Variants in TRPM4 observed in about 807,000 individuals in gnomAD.
TRPM4 encodes the protein transient receptor potential cation channel subfamily M member 4.
In TRPM4, 124 loss-of-function variants were observed where a neutral mutation model predicts 135.6. That is an observed-to-expected ratio of 0.91 (90% CI 0.79 to 1.06). TRPM4 has a LOEUF of 1.06. Among genes scored for constraint, TRPM4 ranks in the 50% least tolerant of loss-of-function variants. The probability of loss-of-function intolerance (pLI) is 0.00; values close to 1 mark genes in which losing one functional copy is unlikely to be tolerated. For synonymous variants in TRPM4, 745 were observed against 705.6 expected, an observed-to-expected ratio of 1.06 and a Z score of -0.88; for missense variants, 1,658 against 1,671.4, an observed-to-expected ratio of 0.99 and a Z score of 0.14.
chr19:49,183,124 C>G lies in TRPM4; in HGVS notation c.1655C>G (p.Ala552Gly). 2 of 1,613,866 alleles carry G rather than the reference C, an allele frequency of 1.2e-6. No individual in the cohort carries two copies. Among genetic ancestry groups the G allele is most frequent in the Non-Finnish European group, 8.5e-7 (1 of 1,180,026 alleles). ...DKATSPLSLD[A>G]GLGQAPWSDL... ...GCCACCTCGCCGCTCTCGCTGGATGCTGGCCTCGGGCAGGCCCCCTGGAGC... is the reference window on the plus strand; with the variant it reads ...GCCACCTCGCCGCTCTCGCTGGATGGTGGCCTCGGGCAGGCCCCCTGGAGC... Residue 552 changes from alanine to glycine, a missense_variant, in exon 12 of 25, where the codon GCT becomes GGT. By Grantham distance (60) the Ala-to-Gly change is moderately conservative. This residue lies in a region of TRPM4 where 1,412 missense variants were observed against 1,408.7 expected (regional missense o/e 1.00). Transcript: ENST00000252826.
intron 6 of TRPM4, among the ~76,000 whole-genome samples, chr19:49,169,640 C>T (rs1967378128): frequency 6.6e-6 from 1 of 151,554 alleles, no homozygotes; most frequent in Non-Finnish European, 1.5e-5. Flanking sequence ...TGTTTTCGAA[C>T]TTCTGACCTC....
At chr19:49,167,275 G>GTACCCC (rs2122793314) in intron 3 of TRPM4, among the ~76,000 whole-genome samples, 3 of 138,002 alleles carry the variant, frequency 2.2e-5, no homozygotes, top group African/African-American at 8.5e-5. Context: ...CTCTCTCTCT[G>GTACCCC]GGTCTCTGTC....
In TRPM4 at chr19:49,210,843, G is replaced by A. The variant is rs1969334710; in HGVS notation, c.3461+1G>A. Reference sequence around the variant, plus strand: ...AGCGTCTGAAGCGCACGTCCCAGAAGTGAGAGCGGGGCCTGGTCGGGGATG... The same window carrying A: ...AGCGTCTGAAGCGCACGTCCCAGAAATGAGAGCGGGGCCTGGTCGGGGATG... On this transcript the variant is annotated splice_donor_variant, in intron 22 of 24. Transcript: ENST00000252826. LOFTEE classifies it high-confidence loss of function. This position sits in a 1 kb window ranked among gnomAD's most constrained non-coding sequence, Gnocchi z 4.1. 2 of 1,609,420 alleles carry A rather than the reference G, an allele frequency of 1.2e-6. No individual in the cohort carries two copies. Among genetic ancestry groups the A allele is most frequent in the Non-Finnish European group, 8.5e-7 (1 of 1,178,460 alleles).
Position 49,210,119 on chromosome 19 carries a change from A to T in TRPM4, c.3132-90A>T. ...TCTTGACTTCTGTCTGCTGCTATAG[A>T]CTGAACAATTATTGCCTGGCATCTA... On this transcript the variant is annotated intron_variant, in intron 20 of 24. Transcript: ENST00000252826. This position sits in a 1 kb window ranked among gnomAD's most constrained non-coding sequence, Gnocchi z 4.1. 5 of 1,299,276 alleles carry T rather than the reference A, an allele frequency of 3.8e-6. No individual in the cohort carries two copies. The highest frequency in any genetic ancestry group is 5.6e-6 in the Non-Finnish European group (5 of 892,978). The allele number at this position is 1,299,276 out of a possible 1,614,324, so 80.5% of individuals were successfully genotyped here. A position where few individuals can be genotyped will look rare whatever the true frequency, so the allele number is the denominator to read the frequency against.
At chr19:49,183,899 G>T (rs1450427201) in intron 12 of TRPM4, among the ~76,000 whole-genome samples, 3 of 150,860 alleles carry the variant, frequency 2.0e-5, no homozygotes, top group South Asian at 2.1e-4. Context: ...TCAGCCTCCC[G>T]AGTAGCTGGG....
At chr19:49,199,227 C>T (rs1252645217) in intron 17 of TRPM4, among the ~76,000 whole-genome samples, 2 of 150,388 alleles carry the variant, frequency 1.3e-5, no homozygotes, top group East Asian at 3.9e-4. Flanking sequence ...GGCCATATGT[C>T]CTTGTGCCCC....
chr19:49,181,528 T>TTA, intron 10 of TRPM4, 67 bp downstream of exon 10: 467 of 864,356 alleles, frequency 5.4e-4, no homozygotes, highest in Non-Finnish European at 7.2e-4. Context: ...CCTCTCTGCC[T>TTA]TCTTTTTTTT....
intron 9 of TRPM4, among the ~76,000 whole-genome samples, chr19:49,178,544 G>A (rs1967788689): frequency 6.6e-6 from 1 of 151,946 alleles, no homozygotes; most frequent in Admixed American, 6.6e-5. Context: ...GACAAGGACA[G>A]TACCTGCGGG....
chr19:49,164,702 GC>G (rs1459353511), intron 2 of TRPM4, among the ~76,000 whole-genome samples: 1 of 149,000 alleles, frequency 6.7e-6, no homozygotes, highest in Non-Finnish European at 1.5e-5. Flanking sequence ...TTGCTTGCTT[GC>G]TTGCTTGCTT....
chr19:49,166,048 T>C lies in TRPM4; in HGVS notation c.100T>C (p.Leu34=), dbSNP rs780231602. 2.5e-6 allele frequency: 4 copies of C among 1,595,470 alleles called. No homozygotes were observed. The highest frequency in any genetic ancestry group is 3.4e-6 in the Non-Finnish European group (4 of 1,173,168). The change falls in exon 3 of 25, where the codon TTG becomes CTG. Residue 34 remains leucine, a synonymous_variant. Transcript: ENST00000252826. The part of the protein sequence containing the change: ...IVDSTDPGGT[L]CQCGRPRTAH... Reference sequence around the variant, plus strand: ...CCGCCCTCGCACCCCCAGAGGGACCTTGTGCCAGTGTGGGCGCCCCCGGAC... The same window carrying C: ...CCGCCCTCGCACCCCCAGAGGGACCCTGTGCCAGTGTGGGCGCCCCCGGAC...
At chr19:49,193,242 G>A (rs904056025) in intron 16 of TRPM4, among the ~76,000 whole-genome samples, 6 of 151,802 alleles carry the variant, frequency 4.0e-5, no homozygotes, top group Non-Finnish European at 5.9e-5. Context: ...CACCACGCCC[G>A]GCTAATTTTT....
intron 16 of TRPM4, among the ~76,000 whole-genome samples, chr19:49,195,407 C>T (rs1177084129): frequency 2.6e-5 from 4 of 151,762 alleles, no homozygotes; most frequent in Non-Finnish European, 5.9e-5. Flanking sequence ...GTTTTGCTCT[C>T]GTTGCCCAGG....
intron 16 of TRPM4, among the ~76,000 whole-genome samples, chr19:49,193,148 T>A (rs1179693456): frequency 1.3e-5 from 2 of 150,156 alleles, no homozygotes; most frequent in East Asian, 4.0e-4. Flanking sequence ...TGGCATGATC[T>A]CGGCTCACTG....
rs1289765999 is a variant in TRPM4, at chr19:49,182,893, C to T, written c.1579C>T (p.Pro527Ser). 1 of 1,599,936 alleles carries T rather than the reference C, an allele frequency of 6.3e-7. No homozygotes were observed. ...GTACCCCTCCGGGGGCGCCTGGGAC[C>T]CTCACCCAGGCCAGGGCTTCGGGGA... ...PRYPSGGAWD[P>S]HPGQGFGESM... The change falls in exon 11 of 25, where the codon CCT becomes TCT. Residue 527 changes from proline to serine, a missense_variant. Transcript: ENST00000252826.
At chr19:49,182,459 T>TCCAC (rs2122931773) in intron 10 of TRPM4, 119 bp from the exon 11 acceptor site, 1 of 330,864 alleles carries the variant, frequency 3.0e-6, no homozygotes. Flanking sequence ...CACCCATCCA[T>TCCAC]CCATCCATCC....
intron 12 of TRPM4, among the ~76,000 whole-genome samples, chr19:49,186,015 T>C (rs914181080): frequency 6.6e-6 from 1 of 152,282 alleles, no homozygotes; most frequent in Middle Eastern, 3.4e-3. Flanking sequence ...CCTCCCAAAG[T>C]GTTAGGATTA....
Position 49,172,126 on chromosome 19 carries a change from C to T in TRPM4, c.1150+18C>T. On this transcript the variant is annotated intron_variant, in intron 9 of 24. Transcript: ENST00000252826. ...TGTGAAGGGTAAAAGTTGTACCCTCCAGTCTTCCCCCTCTCTCAGTTCAAC... is the reference window on the plus strand; with the variant it reads ...TGTGAAGGGTAAAAGTTGTACCCTCTAGTCTTCCCCCTCTCTCAGTTCAAC... 6.3e-7 allele frequency: 1 copy of T among 1,575,780 alleles called. No homozygotes were observed. The highest frequency in any genetic ancestry group is 8.7e-7 in the Non-Finnish European group (1 of 1,145,262).
chr19:49,161,780 C>T (rs1490709832), intron 2 of TRPM4, among the ~76,000 whole-genome samples: 4 of 152,180 alleles, frequency 2.6e-5, no homozygotes, highest in Non-Finnish European at 5.9e-5. Context: ...CAGGCACCCA[C>T]CATCACGCCT....
At chr19:49,177,017 G>T (rs992035849) in intron 9 of TRPM4, among the ~76,000 whole-genome samples, 5 of 152,120 alleles carry the variant, frequency 3.3e-5, no homozygotes, top group Admixed American at 1.3e-4. Context: ...GTTGTGCCCG[G>T]TCCCGGTGGG....
Sources: gnomAD v4.1 joint callset for allele counts (sites outside exome capture counted in the v4.1 genomes callset) on GRCh38, gnomAD v4.1.1 for gene constraint, gnomAD v4.1.1 regional missense constraint, Gnocchi (gnomAD v3.1) non-coding constraint, MANE v1.5 for transcripts, NCBI Gene and HGNC (gene_info 2026-07-23, HGNC 2026-07-21) for gene names.